The following POLR2E variants were observed in gnomAD, a reference collection of about 807,000 sequenced individuals.
The protein encoded by POLR2E is DNA-directed RNA polymerases I, II, and III subunit RPABC1.
POLR2E carries 35 observed loss-of-function variants against 29.8 expected under a neutral mutation model. The observed-to-expected ratio is 1.17, with a 90% CI of 0.90 to 1.55. The LOEUF (loss-of-function observed/expected upper bound fraction) is 1.55, where lower values mean the gene tolerates loss of function less well. POLR2E is among the 40% of genes most tolerant of loss of function. The probability of loss-of-function intolerance (pLI) is 0.00; values close to 1 mark genes in which losing one functional copy is unlikely to be tolerated. For synonymous variants in POLR2E, 174 were observed against 112.6 expected, an observed-to-expected ratio of 1.55 and a Z score of -3.45; for missense variants, 287 against 288.6, an observed-to-expected ratio of 0.99 and a Z score of 0.04.
chr19:1,090,148 G>A lies in POLR2E; in HGVS notation c.430-3C>T. The A allele has an allele frequency of 1.9e-6, 3 of 1,612,372 alleles. No individual in the cohort carries two copies. Among genetic ancestry groups the A allele is most frequent in the African/African-American group, 1.3e-5 (1 of 75,006 alleles). ...ATGACGACGTGCTCAGGGACTAGCT[G>A]CCGAGAGAGGAAGCCACCAGGCATC... On this transcript the variant is annotated splice_region_variant and splice_polypyrimidine_tract_variant and intron_variant, in intron 4 of 7. Coordinates refer to ENST00000615234, the MANE Select transcript of POLR2E (RefSeq NM_002695.5).
chr19:1,095,288 G>C lies in POLR2E; in HGVS notation c.28C>G (p.Leu10Val). MDDEEETYR[L>V]WKIRKTIMQL... is the part of the protein sequence containing the mutation. Reference sequence around the variant, plus strand: ...ATGATGGTCTTGCGGATTTTCCAGAGCCGGTACGTCTCCTCCTCGTCGTCC... The same window carrying C: ...ATGATGGTCTTGCGGATTTTCCAGACCCGGTACGTCTCCTCCTCGTCGTCC... Residue 10 changes from leucine (L) to valine (V), a missense_variant, in exon 1 of 8, where the codon CTC becomes GTC. By Grantham distance (32) the Leu-to-Val change is conservative (BLOSUM62 1). Transcript: ENST00000615234. 6.2e-7 allele frequency: 1 copy of C among 1,613,284 alleles called. No individual in the cohort carries two copies.
At chr19:1,089,444 C>T (rs1388966790) in intron 7 of POLR2E, 28 bp downstream of exon 7, 2 of 1,514,988 alleles carry the variant, frequency 1.3e-6, no homozygotes, top group Non-Finnish European at 1.8e-6. Context: ...CTGACCCCAC[C>T]TCAGTGCCTG....
chr19:1,094,853 A>G (rs937433291), intron 1 of POLR2E: 2 of 205,318 alleles, frequency 9.7e-6, no homozygotes, highest in Non-Finnish European at 2.0e-5. Flanking sequence ...GCTGCTTCCC[A>G]ACCACCAACT....
In POLR2E at chr19:1,093,615, G is replaced by C. The variant is rs960961613; in HGVS notation, c.232+289C>G. On this transcript the variant is annotated intron_variant, in intron 2 of 7. Coordinates refer to ENST00000615234, the MANE Select transcript of POLR2E (RefSeq NM_002695.5). The stretch of plus-strand genomic sequence containing the variant: ...AGGATGGGGGAGCCAAGGGACACTA[G>C]GGCAAAGGACATGGGGGGCTGGGGG... The C allele has an allele frequency of 8.4e-6, 5 of 594,058 alleles. No homozygotes were observed. In the Admixed American group the frequency reaches 1.4e-4, roughly 16 times the overall value. The allele number at this position is 594,058 out of a possible 1,614,324, so 36.8% of individuals were successfully genotyped here. A position where few individuals can be genotyped will look rare whatever the true frequency, so the allele number is the denominator to read the frequency against.
chr19:1,089,902 A>C lies in POLR2E; in HGVS notation c.549T>G (p.Phe183Leu). Residue 183 changes from phenylalanine (F) to leucine (L), a missense_variant, in exon 6 of 8, where the codon TTT becomes TTG. Transcript: ENST00000615234. ...GGCTCACCTGCCCACGCTTTATCCC[A>C]AAGTAGCGCGCCACAGGGTCCCCCG... ...IQAGDPVARY[F>L]GIKRGQVVKI... 1 of 1,612,382 alleles carries C rather than the reference A, an allele frequency of 6.2e-7. No homozygotes were observed. Among genetic ancestry groups the C allele is most frequent in the South Asian group, 1.1e-5 (1 of 91,040 alleles).
At chr19:1,094,257 T>TGGGACCA in intron 1 of POLR2E, 179 bp from the exon 2 acceptor site, 1 of 593,388 alleles carries the variant, frequency 1.7e-6, no homozygotes, top group Non-Finnish European at 2.9e-6. Flanking sequence ...CACCACAGGA[T>TGGGACCA]GGGACCAGTA....
rs1156387300 is a variant in POLR2E at position 1,089,467 on chromosome 19, C to T, written c.*14+5G>A. ...ACCTCAGTGCCTGTCCCTCGGCCGT[C>T]TCACCTGTCAGGCGGTAGCTACTGC... On this transcript the variant is annotated splice_donor_5th_base_variant and intron_variant, in intron 7 of 7. Coordinates refer to ENST00000615234, the MANE Select transcript of POLR2E (RefSeq NM_002695.5). 3.1e-6 allele frequency: 5 copies of T among 1,605,278 alleles called. No homozygotes were observed. The South Asian group carries it at 5.5e-5, about 18-fold the overall frequency.
At chr19:1,093,045 C>T (rs373673051) in intron 2 of POLR2E, among the ~76,000 whole-genome samples, 9 of 151,814 alleles carry the variant, frequency 5.9e-5, no homozygotes, top group African/African-American at 1.9e-4. Context: ...AAAAACTAGC[C>T]AGGCGTGGTG....
chr19:1,088,050 C>CT lies in POLR2E; in HGVS notation c.*684dup, dbSNP rs1476361924. 6.6e-6 allele frequency: 1 copy of CT among 152,464 alleles called. No homozygotes were observed. The highest frequency in any genetic ancestry group is 1.9e-4 in the East Asian group (1 of 5,302). 9.4% of individuals were successfully genotyped at this position (152,464 alleles called of 1,614,324 possible). ...CGAAGTGGGAGGGCAGGGCGAGGGC[C>CT]TGGGGAGACACTGACCCCTGAAGCC... On this transcript the variant is annotated 3_prime_UTR_variant, in exon 8 of 8. Coordinates refer to ENST00000615234, the MANE Select transcript of POLR2E (RefSeq NM_002695.5).
Position 1,093,952 on chromosome 19 carries a change from C to A in POLR2E, c.184G>T (p.Val62Leu). 6.2e-7 allele frequency: 1 copy of A among 1,612,646 alleles called. No individual in the cohort carries two copies. The change falls in exon 2 of 8, where the codon GTG becomes TTG. Residue 62 changes from valine to leucine, a missense_variant. Coordinates refer to ENST00000615234, the MANE Select transcript of POLR2E (RefSeq NM_002695.5). The stretch of plus-strand genomic sequence containing the variant: ...TCGGTGGGGTCATCGTTGTGGGCCA[C>A]CAGCACGGTGAGGTCCGTGCGCCGC... Reference protein sequence around the residue: ...RPRRTDLTVLVAHNDDPTDQM... With the variant: ...RPRRTDLTVLLAHNDDPTDQM...
intron 1 of POLR2E, 46 bp from the exon 2 acceptor site, chr19:1,094,124 G>A (rs758835311): frequency 7.1e-6 from 11 of 1,559,132 alleles, no homozygotes; most frequent in Non-Finnish European, 9.6e-6. Flanking sequence ...AGAGAGGAAG[G>A]CGGCCAAAGC....
chr19:1,091,884 T>TC lies in POLR2E; in HGVS notation c.255dup (p.Thr86AspfsTer62), dbSNP rs773720384. 1 of 1,612,410 alleles carries TC rather than the reference T, an allele frequency of 6.2e-7. No individual in the cohort carries two copies. Among genetic ancestry groups the TC allele is most frequent in the South Asian group, 1.1e-5 (1 of 91,062 alleles). Reference sequence around the variant, plus strand: ...ATGCGCTGGCAGTACACCTTGATGGTCTTGATGCCCACCTTGGGCTCCTCT... The same window carrying TC: ...ATGCGCTGGCAGTACACCTTGATGGTCCTTGATGCCCACCTTGGGCTCCTCT... On this transcript the variant is annotated frameshift_variant, in exon 3 of 8. Coordinates refer to ENST00000615234, the MANE Select transcript of POLR2E (RefSeq NM_002695.5). LOFTEE classifies it high-confidence loss of function.
intron 4 of POLR2E, among the ~76,000 whole-genome samples, chr19:1,090,625 A>G (rs1195891875): frequency 1.3e-5 from 2 of 151,802 alleles, no homozygotes; most frequent in African/African-American, 2.4e-5. Flanking sequence ...TCACCGTGTT[A>G]GCCAGGATGG....
In POLR2E at chr19:1,089,304, T is replaced by TGGGGTCTG. The variant is rs548089311; in HGVS notation, c.*14+160_*14+167dup. ...CCAAGAGCTGCAGCCTACGGTCGGG[T>TGGGGTCTG]GGGGTCTGGGGGTCTGGGGGTGTCC... On this transcript the variant is annotated intron_variant, in intron 7 of 7. Transcript: ENST00000615234. Among the ~76,000 whole-genome samples the TGGGGTCTG allele has an allele frequency of 2.4e-4, 36 of 151,822 alleles. 1 individual carries two copies. The East Asian group carries it at 3.3e-3, about 14-fold the overall frequency.
intron 2 of POLR2E, chr19:1,093,657 T>G: frequency 9.2e-7 from 1 of 1,089,374 alleles, no homozygotes; most frequent in Non-Finnish European, 1.2e-6. Context: ...GGGAGGCCCT[T>G]GTGACTCTCC....
chr19:1,088,988 C>T (rs2043770133), intron 7 of POLR2E, among the ~76,000 whole-genome samples: 2 of 152,182 alleles, frequency 1.3e-5, no homozygotes, highest in South Asian at 2.1e-4. Flanking sequence ...GACAGCAGCT[C>T]GCCATGACCA....
In POLR2E at chr19:1,095,363, A is replaced by T. The variant is rs1309169950; in HGVS notation, c.-48T>A. On this transcript the variant is annotated 5_prime_UTR_variant, in exon 1 of 8. Coordinates refer to ENST00000615234, the MANE Select transcript of POLR2E (RefSeq NM_002695.5). ...GCTCGCACCCCTTCTCCGCGCGAGA[A>T]CCCGCGCGGACTGCGCCTGCGCCGA... 2 of 1,605,466 alleles carry T rather than the reference A, an allele frequency of 1.2e-6. No individual in the cohort carries two copies. The highest frequency in any genetic ancestry group is 1.1e-5 in the South Asian group (1 of 90,778).
intron 1 of POLR2E, 81 bp downstream of exon 1, chr19:1,095,178 A>G: frequency 7.1e-7 from 1 of 1,412,436 alleles, no homozygotes; most frequent in South Asian, 1.2e-5. Flanking sequence ...CGAGAGTACG[A>G]GGAGACGCCG....
chr19:1,090,787 G>C, intron 4 of POLR2E, 121 bp downstream of exon 4: 1 of 812,108 alleles, frequency 1.2e-6, no homozygotes, highest in Non-Finnish European at 1.9e-6. Context: ...TGAGAACCCT[G>C]TCCTCCATGC....
Sources: allele counts gnomAD v4.1 joint callset (sites outside exome capture counted in the v4.1 genomes callset), GRCh38; gene constraint gnomAD v4.1.1; transcripts MANE v1.5; gene names NCBI Gene and HGNC (gene_info 2026-07-23, HGNC 2026-07-21).